PDE3A: variants seen among roughly 807,000 people sequenced by gnomAD.
PDE3A encodes cGMP-inhibited 3',5'-cyclic phosphodiesterase 3A.
PDE3A carries 43 observed loss-of-function variants against 98.3 expected under a neutral mutation model. The observed-to-expected ratio is 0.44, with a 90% CI of 0.34 to 0.56. The LOEUF is 0.56. Ranked by LOEUF, PDE3A falls within the 20% of genes least tolerant of loss-of-function variation. PDE3A has a pLI of 0.01. For synonymous variants in PDE3A, 663 were observed against 567.9 expected (o/e 1.17, Z -2.38); for missense variants, 1,427 against 1,440.7 (o/e 0.99, Z 0.15).
chr12:20,575,740 G>A (rs146626997), intron 2 of PDE3A, among the ~76,000 whole-genome samples: 2,462 of 151,950 alleles, frequency 0.016, 30 homozygotes, highest in African/African-American at 0.026. Flanking sequence ...TTTTCACTGA[G>A]AAGCTGTTCT....
At chr12:20,584,968 CTTT>C (rs1201727750) in intron 2 of PDE3A, among the ~76,000 whole-genome samples, 9 of 152,260 alleles carry the variant, frequency 5.9e-5, no homozygotes, top group East Asian at 5.8e-4. Context: ...TTTTTCACTT[CTTT>C]GTTTCACTAT....
At chr12:20,565,940 T>TTTTC (rs893506681) in intron 2 of PDE3A, among the ~76,000 whole-genome samples, 1 of 151,918 alleles carries the variant, frequency 6.6e-6, no homozygotes, top group Non-Finnish European at 1.5e-5. Context: ...AAGGTGCTGA[T>TTTTC]TTTCTTACAA....
At chr12:20,619,806 A>G (rs1490228800) in intron 4 of PDE3A, among the ~76,000 whole-genome samples, 1 of 152,124 alleles carries the variant, frequency 6.6e-6, no homozygotes, top group Non-Finnish European at 1.5e-5. Context: ...AGGAGAAAAG[A>G]TGAAGTTTTA....
At chr12:20,386,929 C>T (rs1011300251) in intron 1 of PDE3A, among the ~76,000 whole-genome samples, 3 of 151,844 alleles carry the variant, frequency 2.0e-5, no homozygotes, top group Non-Finnish European at 4.4e-5. Context: ...GTCTTTAATC[C>T]ATCTTGAGTT....
At chr12:20,555,568 T>C (rs1012937254) in intron 1 of PDE3A, among the ~76,000 whole-genome samples, 2 of 152,224 alleles carry the variant, frequency 1.3e-5, no homozygotes, top group Non-Finnish European at 2.9e-5. Context: ...CATAACTGAT[T>C]ATATATGTTT....
intron 1 of PDE3A, among the ~76,000 whole-genome samples, chr12:20,372,519 A>G (rs925912018): frequency 6.6e-6 from 1 of 152,098 alleles, no homozygotes; most frequent in Non-Finnish European, 1.5e-5. Flanking sequence ...GTACTATCTT[A>G]TAAGATAGGA....
At chr12:20,607,530 C>T (rs1042536297) in intron 2 of PDE3A, among the ~76,000 whole-genome samples, 2 of 151,824 alleles carry the variant, frequency 1.3e-5, no homozygotes, top group South Asian at 2.1e-4. Flanking sequence ...TATATAAAAC[C>T]GCACTTTCCT....
intron 15 of PDE3A, among the ~76,000 whole-genome samples, chr12:20,665,433 CTT>C (rs1210248797): frequency 6.6e-6 from 1 of 152,038 alleles, no homozygotes; most frequent in East Asian, 1.9e-4. Context: ...ATGTTGAAAA[CTT>C]TGAATCATTT....
Position 20,552,608 on chromosome 12 carries a change from G to T in PDE3A, c.961-4052G>T, listed in dbSNP as rs1942243880. 1.2e-6 allele frequency: 2 copies of T among 1,613,624 alleles called. No homozygotes were observed. Among genetic ancestry groups the T allele is most frequent in the Admixed American group, 3.3e-5 (2 of 59,982 alleles). On this transcript the variant is annotated intron_variant, in intron 1 of 15. Transcript: ENST00000359062. The surrounding 1 kb of genome is among the most constrained non-coding windows in gnomAD (Gnocchi z 5.1). ...GCAGGAGGTGGCCCGAGCAGGGCCG[G>T]GTCCCCGCGCCGGACATCCAAGAAA...
intron 5 of PDE3A, among the ~76,000 whole-genome samples, chr12:20,628,218 A>G (rs1237778726): frequency 2.0e-5 from 3 of 152,236 alleles, no homozygotes; most frequent in African/African-American, 7.2e-5. Flanking sequence ...CAGCAAACTT[A>G]TAACCCACTT....
chr12:20,460,207 G>T (rs978915825), intron 1 of PDE3A, among the ~76,000 whole-genome samples: 1 of 152,192 alleles, frequency 6.6e-6, no homozygotes, highest in African/African-American at 2.4e-5. Flanking sequence ...TAAGGATAAA[G>T]AAAAATGTAG....
chr12:20,605,858 A>C (rs1239655158), intron 2 of PDE3A, among the ~76,000 whole-genome samples: 1 of 152,226 alleles, frequency 6.6e-6, no homozygotes, highest in South Asian at 2.1e-4. Context: ...TCCTCCAGTT[A>C]GAATAAATTA....
At chr12:20,522,216 T>G (rs944340263) in intron 1 of PDE3A, among the ~76,000 whole-genome samples, 22 of 152,170 alleles carry the variant, frequency 1.4e-4, no homozygotes, top group African/African-American at 5.3e-4. Flanking sequence ...TGCGATACAG[T>G]GACCATCAAC....
chr12:20,552,341 C>A lies in PDE3A; in HGVS notation c.961-4319C>A. On this transcript the variant is annotated intron_variant, in intron 1 of 15. Transcript: ENST00000359062. This position sits in a 1 kb window ranked among gnomAD's most constrained non-coding sequence, Gnocchi z 5.1. ...AAATACTGGCCCGAGAAGGGGAAGT[C>A]CGGGTTTCTCGTGTGGCGCTACCTT... is the stretch of plus-strand genomic sequence containing the variant. 1.2e-6 allele frequency: 2 copies of A among 1,613,826 alleles called. No homozygotes were observed. Among genetic ancestry groups the A allele is most frequent in the South Asian group, 1.1e-5 (1 of 91,056 alleles).
chr12:20,395,633 C>CTATATTA (rs1414262185), intron 1 of PDE3A, among the ~76,000 whole-genome samples: 3 of 144,848 alleles, frequency 2.1e-5, no homozygotes, highest in Non-Finnish European at 3.0e-5. Flanking sequence ...TATATGTATA[C>CTATATTA]TATATATACA....
At chr12:20,487,621 C>T (rs1945753313) in intron 1 of PDE3A, among the ~76,000 whole-genome samples, 1 of 151,174 alleles carries the variant, frequency 6.6e-6, no homozygotes, top group African/African-American at 2.4e-5. Context: ...CCACTGCACT[C>T]CAGCCTGGGC....
chr12:20,625,980 T>C (rs1944252550), intron 5 of PDE3A, among the ~76,000 whole-genome samples: 1 of 152,174 alleles, frequency 6.6e-6, no homozygotes. Flanking sequence ...TAAACATTAA[T>C]ATACTTGAGA....
intron 1 of PDE3A, among the ~76,000 whole-genome samples, chr12:20,457,482 C>A (rs1055035946): frequency 1.3e-4 from 19 of 151,614 alleles, no homozygotes; most frequent in Admixed American, 1.3e-3. Context: ...CATATATGCA[C>A]AACTTAATTC....
At chr12:20,546,817 G>A (rs914131673) in intron 1 of PDE3A, among the ~76,000 whole-genome samples, 2 of 152,002 alleles carry the variant, frequency 1.3e-5, no homozygotes, top group African/African-American at 4.8e-5. Context: ...ATAAATTCTT[G>A]TTGTATTGAA....
Sources: gnomAD v4.1 joint callset for allele counts (sites outside exome capture counted in the v4.1 genomes callset) on GRCh38, gnomAD v4.1.1 for gene constraint, Gnocchi (gnomAD v3.1) non-coding constraint, MANE v1.5 for transcripts, NCBI Gene and HGNC (gene_info 2026-07-23, HGNC 2026-07-21) for gene names.